Variants in LRCH3 observed in about 807,000 individuals in gnomAD.
The protein encoded by LRCH3 is leucine rich repeats and calponin homology domain containing 3.
In LRCH3, 68 loss-of-function variants were observed where a neutral mutation model predicts 104.5. That is an observed-to-expected ratio of 0.65 (90% CI 0.54 to 0.80). The LOEUF (loss-of-function observed/expected upper bound fraction) is 0.80. Ranked by LOEUF, LRCH3 falls within the 30% of genes least tolerant of loss-of-function variation. The pLI, the probability that LRCH3 is intolerant of heterozygous loss-of-function variation, is 0.00. For synonymous variants in LRCH3, 344 were observed against 361.3 expected, an observed-to-expected ratio of 0.95 and a Z score of 0.54; for missense variants, 951 against 953.9, an observed-to-expected ratio of 1.00 and a Z score of 0.04.
chr3:197,818,463 A>G (rs1734107507), intron 3 of LRCH3, among the ~76,000 whole-genome samples: 1 of 152,234 alleles, frequency 6.6e-6, no homozygotes, highest in Non-Finnish European at 1.5e-5. Context: ...AAATTAATAC[A>G]TATGTAATAT....
chr3:197,816,016 A>G (rs1396069418), intron 2 of LRCH3, among the ~76,000 whole-genome samples: 1 of 152,126 alleles, frequency 6.6e-6, no homozygotes, highest in Non-Finnish European at 1.5e-5. Flanking sequence ...TTGAAAATAA[A>G]TTTTCCTCTG....
intron 11 of LRCH3, 176 bp from the exon 12 acceptor site, chr3:197,847,696 T>TA: frequency 1.4e-6 from 1 of 709,588 alleles, no homozygotes; most frequent in Admixed American, 3.1e-5. Flanking sequence ...ACCTAATACA[T>TA]ATAAGAACCG....
At chr3:197,807,181 ACTTGAAGTGAGTTT>A (rs1484595234) in intron 1 of LRCH3, among the ~76,000 whole-genome samples, 2 of 150,652 alleles carry the variant, frequency 1.3e-5, no homozygotes, top group African/African-American at 4.9e-5. Flanking sequence ...ATATCCTTCT[ACTTGAAGTGAGTTT>A]CTTGTAAATA....
intron 9 of LRCH3, among the ~76,000 whole-genome samples, chr3:197,838,026 C>T (rs948685702): frequency 1.3e-5 from 2 of 152,026 alleles, no homozygotes; most frequent in South Asian, 2.1e-4. Context: ...TGCTACTGCA[C>T]TCCAGCCTAG....
intron 1 of LRCH3, among the ~76,000 whole-genome samples, chr3:197,798,081 G>A (rs1340366063): frequency 2.6e-5 from 4 of 151,834 alleles, no homozygotes; most frequent in South Asian, 2.1e-4. Flanking sequence ...GGGCAACATC[G>A]CAAACCTCGT....
intron 2 of LRCH3, among the ~76,000 whole-genome samples, chr3:197,816,406 G>A (rs1159029544): frequency 2.0e-5 from 3 of 151,740 alleles, no homozygotes; most frequent in African/African-American, 7.3e-5. Flanking sequence ...TCAGCCTCCC[G>A]AGTAGCTGGG....
At chr3:197,880,921 A>C (rs1713703330) in intron 20 of LRCH3, 1 of 1,416,340 alleles carries the variant, frequency 7.1e-7, no homozygotes, top group African/African-American at 1.4e-5. Context: ...CAAAGAGTAA[A>C]AGACCAGCAT....
intron 1 of LRCH3, among the ~76,000 whole-genome samples, chr3:197,812,504 G>GGTTTTTTTTTTTTTTTTTTTT (rs1733248663): frequency 2.0e-5 from 1 of 48,956 alleles, no homozygotes; most frequent in East Asian, 7.0e-4. Flanking sequence ...TCTGCTTTCA[G>GGTTTTTTTTTTTTTTTTTTTT]TTTTTTTTTT....
At chr3:197,864,138 C>G (rs1421620188) in intron 15 of LRCH3, among the ~76,000 whole-genome samples, 1 of 150,388 alleles carries the variant, frequency 6.6e-6, no homozygotes, top group African/African-American at 2.4e-5. Flanking sequence ...GAAACCCTGT[C>G]TCTACTAAAA....
chr3:197,817,845 G>A (rs1338150110), intron 3 of LRCH3, among the ~76,000 whole-genome samples: 1 of 152,104 alleles, frequency 6.6e-6, no homozygotes, highest in Non-Finnish European at 1.5e-5. Context: ...TTTTGAGACA[G>A]AGTGTTGCTC....
chr3:197,817,141 C>T (rs1207991822), intron 2 of LRCH3, 35 bp from the exon 3 acceptor site: 2 of 1,570,756 alleles, frequency 1.3e-6, no homozygotes, highest in Non-Finnish European at 8.6e-7. Context: ...CAGTGGTGGA[C>T]TCTGATTCTT....
At chr3:197,802,070 T>C (rs1454002233) in intron 1 of LRCH3, among the ~76,000 whole-genome samples, 1 of 152,222 alleles carries the variant, frequency 6.6e-6, no homozygotes. Flanking sequence ...ACACTTCTCG[T>C]GCTTCCAGTT....
intron 15 of LRCH3, among the ~76,000 whole-genome samples, chr3:197,861,366 A>T (rs1740860220): frequency 6.6e-6 from 1 of 152,184 alleles, no homozygotes. Flanking sequence ...GCACCATTCT[A>T]GATGTATGGG....
In LRCH3 at chr3:197,886,573, A is replaced by C. The variant is rs575305720; in HGVS notation, c.*2907A>C. ...TTATATGCCACCAGAAATGAAATTCAGCAAAGGACAGGATTGTTTTTAACA... is the reference window on the plus strand; with the variant it reads ...TTATATGCCACCAGAAATGAAATTCCGCAAAGGACAGGATTGTTTTTAACA... On this transcript the variant is annotated 3_prime_UTR_variant, in exon 21 of 21. Coordinates refer to ENST00000425562, the MANE Select transcript of LRCH3 (RefSeq NM_001365715.1). 2 of 152,320 alleles carry C rather than the reference A, an allele frequency of 1.3e-5. No individual in the cohort carries two copies. The highest frequency in any genetic ancestry group is 4.8e-5 in the African/African-American group (2 of 41,570). The allele number at this position is 152,320 out of a possible 1,614,324, so 9.4% of individuals were successfully genotyped here.
At chr3:197,839,896 T>C (rs959571899) in intron 10 of LRCH3, among the ~76,000 whole-genome samples, 1 of 149,804 alleles carries the variant, frequency 6.7e-6, no homozygotes, top group African/African-American at 2.5e-5. Context: ...TCGCTCGAAC[T>C]GGGAGGGTGA....
intron 19 of LRCH3, among the ~76,000 whole-genome samples, chr3:197,872,031 G>C (rs1242966403): frequency 6.6e-6 from 1 of 152,154 alleles, no homozygotes; most frequent in Non-Finnish European, 1.5e-5. Context: ...CTGAATTAAA[G>C]AGGGAATACC....
chr3:197,801,399 TTGG>T (rs1162895285), intron 1 of LRCH3, among the ~76,000 whole-genome samples: 1 of 152,200 alleles, frequency 6.6e-6, no homozygotes, highest in Non-Finnish European at 1.5e-5. Flanking sequence ...TTTCATGACC[TTGG>T]TGGTGATTAT....
chr3:197,874,149 C>T (rs1228822137), intron 19 of LRCH3, among the ~76,000 whole-genome samples: 1 of 152,088 alleles, frequency 6.6e-6, no homozygotes, highest in Non-Finnish European at 1.5e-5. Flanking sequence ...CAGGGGTCCC[C>T]AACCCCTGGG....
chr3:197,838,230 G>A lies in LRCH3; in HGVS notation c.1252-1091G>A, dbSNP rs116089823. ...AGCCCGGCAGTTTGAGGCCGGCCTG[G>A]GCCACATAGCGACACTCTGTCTCCA... is the stretch of plus-strand genomic sequence containing the variant. On this transcript the variant is annotated intron_variant, in intron 9 of 20. Coordinates refer to ENST00000425562, the MANE Select transcript of LRCH3 (RefSeq NM_001365715.1). Among the ~76,000 whole-genome samples, 1,219 of 152,312 alleles carry A rather than the reference G, an allele frequency of 8.0e-3. 9 individuals carry two copies. The highest frequency in any genetic ancestry group is 0.022 in the African/African-American group (911 of 41,564).
Sources: allele counts gnomAD v4.1 joint callset (sites outside exome capture counted in the v4.1 genomes callset), GRCh38; gene constraint gnomAD v4.1.1; transcripts MANE v1.5; gene names NCBI Gene and HGNC (gene_info 2026-07-23, HGNC 2026-07-21).